The following MGST1 variants were observed in gnomAD, a reference collection of about 807,000 sequenced individuals.
MGST1 encodes the protein glutathione S-transferase 12.
MGST1 carries 5 observed loss-of-function variants against 8.9 expected under a neutral mutation model. That is an observed-to-expected ratio of 0.56 (90% CI 0.29 to 1.19). The LOEUF is 1.19. Ranked by LOEUF, MGST1 falls within the 50% of genes most tolerant of loss-of-function variation. MGST1 has a pLI of 0.08. For synonymous variants in MGST1, 54 were observed against 67.8 expected (o/e 0.80, Z 1.00); for missense variants, 182 against 187.4 (o/e 0.97, Z 0.17).
intron 1 of MGST1, among the ~76,000 whole-genome samples, chr12:16,395,790 T>TACACACACACACACAC (rs1223679635): frequency 7.3e-5 from 9 of 123,618 alleles, no homozygotes; most frequent in African/African-American, 1.4e-4. Flanking sequence ...CATATATATA[T>TACACACACACACACAC]ATATATATAT....
chr12:16,403,702 G>GT (rs1940677979), intron 1 of MGST1, among the ~76,000 whole-genome samples: 1 of 152,086 alleles, frequency 6.6e-6, no homozygotes, highest in African/African-American at 2.4e-5. Flanking sequence ...AGTTCAGCAT[G>GT]GCTAAGGAGG....
intron 4 of MGST1, among the ~76,000 whole-genome samples, chr12:16,531,073 A>G (rs555326091): frequency 1.4e-5 from 2 of 141,640 alleles, no homozygotes; most frequent in East Asian, 4.6e-4. Context: ...TGGTGCTTTT[A>G]GTAGTAATTC....
At chr12:16,571,438 C>T (rs903752861) in intron 4 of MGST1, among the ~76,000 whole-genome samples, 3 of 151,970 alleles carry the variant, frequency 2.0e-5, no homozygotes, top group African/African-American at 7.2e-5. Flanking sequence ...TTTTCAAATT[C>T]TTTAAGAAGG....
In MGST1 at chr12:16,560,306, C is replaced by T. The variant is rs1377558391; in HGVS notation, n.483-29222C>T. 9 of 1,259,414 alleles carry T rather than the reference C, an allele frequency of 7.1e-6. No homozygotes were observed. The highest frequency in any genetic ancestry group is 2.0e-4 in the Middle Eastern group (1 of 5,038). The allele number at this position is 1,259,414 out of a possible 1,614,324, so 78.0% of individuals were successfully genotyped here. ...TTAAAGTTTACAGAACAGAAAAACG[C>T]TGAGATTGATTGCTTTAAATGTATG... On this transcript the variant is annotated intron_variant and non_coding_transcript_variant, in intron 4 of 4. Coordinates refer to the MGST1 transcript ENST00000538857. The surrounding 1 kb of genome is among the most constrained non-coding windows in gnomAD (Gnocchi z 5.0).
At chr12:16,403,002 TC>T (rs1396087440) in intron 1 of MGST1, among the ~76,000 whole-genome samples, 2 of 151,056 alleles carry the variant, frequency 1.3e-5, no homozygotes, top group African/African-American at 4.8e-5. Context: ...TTAGACTTAA[TC>T]ATTTTTATCC....
At chr12:16,445,297 T>C (rs1031768912) in intron 4 of MGST1, among the ~76,000 whole-genome samples, 4 of 151,982 alleles carry the variant, frequency 2.6e-5, no homozygotes, top group South Asian at 2.1e-4. Context: ...CCTTTTGCTT[T>C]GGTGAGATTG....
At chr12:16,459,885 A>G (rs1941205833) in intron 4 of MGST1, among the ~76,000 whole-genome samples, 1 of 152,080 alleles carries the variant, frequency 6.6e-6, no homozygotes, top group Non-Finnish European at 1.5e-5. Flanking sequence ...TGCTTAAATG[A>G]CCTAAAAGAG....
chr12:16,441,854 G>A (rs1301259953), downstream of MGST1, among the ~76,000 whole-genome samples: 1 of 151,788 alleles, frequency 6.6e-6, no homozygotes, highest in African/African-American at 2.4e-5. Flanking sequence ...TTGGGAGAGG[G>A]ATTGCAGGAT....
chr12:16,483,452 G>T (rs1266314272), intron 4 of MGST1, among the ~76,000 whole-genome samples: 1 of 151,904 alleles, frequency 6.6e-6, no homozygotes, highest in East Asian at 1.9e-4. Context: ...TAATCCAATG[G>T]CAAAACAAAC....
At chr12:16,437,852 G>C (rs1941001706) in exon 2 of MGST1, 2 of 124,592 alleles carry the variant, frequency 1.6e-5, no homozygotes, top group South Asian at 6.2e-4. Flanking sequence ...GTGACTTGTT[G>C]GTAGTCACAT....
intron 4 of MGST1, among the ~76,000 whole-genome samples, chr12:16,581,967 C>A (rs892882510): frequency 6.6e-6 from 1 of 151,938 alleles, no homozygotes; most frequent in Non-Finnish European, 1.5e-5. Context: ...ATCTTTTTTA[C>A]TATTTATATT....
At chr12:16,372,484 T>G (rs1940310797) in intron 3 of MGST1, among the ~76,000 whole-genome samples, 1 of 152,068 alleles carries the variant, frequency 6.6e-6, no homozygotes, top group Non-Finnish European at 1.5e-5. Flanking sequence ...TGTGGTATCA[T>G]CTCACTCCAG....
chr12:16,527,811 A>C (rs1186908057), intron 4 of MGST1, among the ~76,000 whole-genome samples: 1 of 151,964 alleles, frequency 6.6e-6, no homozygotes, highest in Non-Finnish European at 1.5e-5. Flanking sequence ...GTGGTTGCTA[A>C]TCCTGGAAAC....
intron 4 of MGST1, among the ~76,000 whole-genome samples, chr12:16,509,259 C>T (rs1182094774): frequency 6.6e-6 from 1 of 152,022 alleles, no homozygotes; most frequent in Non-Finnish European, 1.5e-5. Context: ...CCTCCCCCTT[C>T]CATGGGGAGA....
At chr12:16,447,061 C>A (rs1259055606) in intron 4 of MGST1, among the ~76,000 whole-genome samples, 1 of 151,910 alleles carries the variant, frequency 6.6e-6, no homozygotes, top group Non-Finnish European at 1.5e-5. Flanking sequence ...TCAAGTAATG[C>A]AACTTTACTC....
At chr12:16,444,857 G>A (rs182156593) in intron 4 of MGST1, among the ~76,000 whole-genome samples, 1 of 152,002 alleles carries the variant, frequency 6.6e-6, no homozygotes, top group East Asian at 2.0e-4. Context: ...GACAGTTTCA[G>A]ACAGACTCAT....
chr12:16,412,272 C>T (rs1192184834), intron 1 of MGST1, among the ~76,000 whole-genome samples: 1 of 151,604 alleles, frequency 6.6e-6, no homozygotes, highest in East Asian at 2.0e-4. Context: ...ATGGTAATAC[C>T]TACCTGAGAG....
At chr12:16,370,249 A>G (rs1940269162) in intron 3 of MGST1, 1 of 152,164 alleles carries the variant, frequency 6.6e-6, no homozygotes, top group African/African-American at 2.4e-5. Context: ...TCTCCCTCTC[A>G]TTTGCAATGT....
intron 1 of MGST1, among the ~76,000 whole-genome samples, chr12:16,422,404 T>C (rs772181776): frequency 1.6e-4 from 25 of 152,184 alleles, no homozygotes; most frequent in African/African-American, 5.5e-4. Flanking sequence ...CATTTTCAGC[T>C]GGTATCACAC....
Sources: allele counts gnomAD v4.1 joint callset (sites outside exome capture counted in the v4.1 genomes callset), GRCh38; gene constraint gnomAD v4.1.1; non-coding constraint Gnocchi (gnomAD v3.1); transcripts MANE v1.5; gene names NCBI Gene and HGNC (gene_info 2026-07-23, HGNC 2026-07-21).